The following CD6 variants were observed in gnomAD, a reference collection of about 807,000 sequenced individuals.
CD6 encodes the protein CD6 molecule, also known as T-cell differentiation antigen CD6.
A neutral mutation model predicts 75.3 loss-of-function variants in CD6; 53 were observed. That is an observed-to-expected ratio of 0.70 (90% CI 0.56 to 0.88). The LOEUF (loss-of-function observed/expected upper bound fraction) is 0.88, where lower values mean the gene tolerates loss of function less well. Ranked by LOEUF, CD6 falls within the 40% of genes least tolerant of loss-of-function variation. CD6 has a pLI of 0.00. For synonymous variants in CD6, 359 were observed against 381.5 expected (o/e 0.94, Z 0.69); for missense variants, 770 against 897.1 (o/e 0.86, Z 1.81).
At chr11:60,983,532 T>C (rs940831758) in intron 1 of CD6, among the ~76,000 whole-genome samples, 1 of 152,206 alleles carries the variant, frequency 6.6e-6, no homozygotes, top group Non-Finnish European at 1.5e-5. Flanking sequence ...TATTATTTCC[T>C]CTCAATGTGT....
chr11:61,018,470 T>A, intron 12 of CD6, 77 bp downstream of exon 12: 1 of 883,486 alleles, frequency 1.1e-6, no homozygotes, highest in Non-Finnish European at 1.7e-6. Flanking sequence ...AACTATTGGA[T>A]GCATTCGCTC....
chr11:61,013,129 G>A (rs1258990635), intron 6 of CD6, among the ~76,000 whole-genome samples: 1 of 152,198 alleles, frequency 6.6e-6, no homozygotes, highest in East Asian at 1.9e-4. Context: ...GTTGTCTATT[G>A]AACAAAGACT....
Position 61,007,556 on chromosome 11 carries a change from C to T in CD6, c.119-4C>T. ...GTCTCAGCTCTCTGGTCTGACACTT[C>T]CAGGGGAGCGGCTTCCGGTCCGTCT... On this transcript the variant is annotated splice_polypyrimidine_tract_variant and splice_region_variant and intron_variant, in intron 2 of 12. Coordinates refer to ENST00000313421, the MANE Select transcript of CD6 (RefSeq NM_006725.5). This position sits in a 1 kb window ranked among gnomAD's most constrained non-coding sequence, Gnocchi z 4.2. 6.7e-7 allele frequency: 1 copy of T among 1,487,724 alleles called. No individual in the cohort carries two copies. The highest frequency in any genetic ancestry group is 8.9e-7 in the Non-Finnish European group (1 of 1,118,000). The allele number at this position is 1,487,724 out of a possible 1,614,324, so 92.2% of individuals were successfully genotyped here.
intron 1 of CD6, among the ~76,000 whole-genome samples, chr11:60,980,131 C>G (rs1411473935): frequency 6.6e-6 from 1 of 152,160 alleles, no homozygotes; most frequent in Non-Finnish European, 1.5e-5. Flanking sequence ...TATGTCACCA[C>G]TGGGGGAAGC....
intron 1 of CD6, among the ~76,000 whole-genome samples, chr11:60,991,149 C>CTTTTTTTTTTTTTTT (rs58123378): frequency 3.5e-5 from 4 of 114,714 alleles, no homozygotes; most frequent in East Asian, 2.6e-4. Flanking sequence ...CTTTTTCTTT[C>CTTTTTTTTTTTTTTT]TTTTTTTTTT....
At chr11:61,006,495 C>T (rs572874059) in intron 1 of CD6, 79 bp from the exon 2 acceptor site, 17 of 1,195,600 alleles carry the variant, frequency 1.4e-5, no homozygotes, top group South Asian at 6.5e-5. Flanking sequence ...CCAGGAAGTG[C>T]CCCCTGCTCA....
At chr11:61,015,472 G>A (rs931330917) in intron 8 of CD6, 1 of 474,376 alleles carries the variant, frequency 2.1e-6, no homozygotes, top group Admixed American at 3.4e-5. Context: ...TCGGGAGGCT[G>A]AGGTGGGAGG....
chr11:61,008,922 A>G, intron 4 of CD6, 77 bp downstream of exon 4: 1 of 1,271,426 alleles, frequency 7.9e-7, no homozygotes, highest in South Asian at 1.7e-5. Flanking sequence ...GCCTGGAGTT[A>G]GTGCCGGAGA....
At chr11:60,992,392 C>T (rs1025859099) in intron 1 of CD6, among the ~76,000 whole-genome samples, 6 of 151,338 alleles carry the variant, frequency 4.0e-5, no homozygotes, top group Admixed American at 6.6e-5. Context: ...TGAAGAGATT[C>T]GCCCAGGGTC....
intron 1 of CD6, among the ~76,000 whole-genome samples, chr11:60,986,041 G>A (rs1245020392): frequency 6.6e-6 from 1 of 152,160 alleles, no homozygotes; most frequent in Non-Finnish European, 1.5e-5. Context: ...GAGAAACTGA[G>A]GCCTTGGAAC....
In CD6 at chr11:61,007,423, C is replaced by T; in HGVS notation, c.119-137C>T. The T allele has an allele frequency of 1.6e-6, 1 of 638,090 alleles. No individual in the cohort carries two copies. 39.5% of individuals were successfully genotyped at this position (638,090 alleles called of 1,614,324 possible). The stretch of plus-strand genomic sequence containing the variant: ...GCTCAGGGATGAGCCAGCCCGGCTC[C>T]ATTTTGCAGACTGGAAAGCTGAGAC... On this transcript the variant is annotated intron_variant, in intron 2 of 12. Transcript: ENST00000313421. The surrounding 1 kb of genome is among the most constrained non-coding windows in gnomAD (Gnocchi z 4.2).
intron 9 of CD6, 71 bp from the exon 10 acceptor site, chr11:61,017,408 A>G: frequency 7.9e-7 from 1 of 1,262,798 alleles, no homozygotes; most frequent in Non-Finnish European, 1.1e-6. Flanking sequence ...CGGGAAATCC[A>G]GCCTCTTCTC....
At position 61,011,281 on chromosome 11, in the gene CD6, C is replaced by T. The variant is rs550448976; in HGVS notation, c.1150+146C>T. 188 of 676,058 alleles carry T rather than the reference C, an allele frequency of 2.8e-4. 1 individual carries two copies. The East Asian group carries it at 4.9e-3, about 18-fold the overall frequency. 41.9% of individuals were successfully genotyped at this position (676,058 alleles called of 1,614,324 possible). ...CCTCCAGCCAATGGACTTGCCTCCC[C>T]GGGGCTCTCTGGGTGGCATTTCTGC... On this transcript the variant is annotated intron_variant, in intron 6 of 12. Transcript: ENST00000313421.
intron 1 of CD6, among the ~76,000 whole-genome samples, chr11:61,000,877 C>G (rs775823143): frequency 1.3e-5 from 2 of 152,162 alleles, no homozygotes; most frequent in Non-Finnish European, 2.9e-5. Flanking sequence ...AGGTTCTGTC[C>G]CACTCGGGGA....
rs147511181 is a variant in CD6, at chr11:61,009,643, G to A, written c.853G>A (p.Val285Ile). 1.3e-5 allele frequency: 21 copies of A among 1,613,862 alleles called. No homozygotes were observed. Among genetic ancestry groups the A allele is most frequent in the Non-Finnish European group, 1.6e-5 (19 of 1,180,030 alleles). Residue 285 changes from valine (V) to isoleucine (I), a missense_variant, in exon 5 of 13, where the codon GTC becomes ATC. By Grantham distance (29) the Val-to-Ile change is conservative. Coordinates refer to ENST00000313421, the MANE Select transcript of CD6 (RefSeq NM_006725.5). ...GCAGGTGGAGGTACACTTCCGAGGG[G>A]TCTGGAACACAGTGTGTGACAGTGA... ...EGQVEVHFRG[V>I]WNTVCDSEWY... is the part of the protein sequence containing the mutation.
chr11:60,974,426 T>C (rs1457803693), intron 1 of CD6, among the ~76,000 whole-genome samples: 9 of 152,214 alleles, frequency 5.9e-5, no homozygotes, highest in Non-Finnish European at 1.0e-4. Context: ...TTTGTATTTT[T>C]AGTAGAGACG....
At chr11:60,991,443 C>T (rs956200320) in intron 1 of CD6, among the ~76,000 whole-genome samples, 21 of 152,122 alleles carry the variant, frequency 1.4e-4, no homozygotes, top group Non-Finnish European at 2.4e-4. Flanking sequence ...GTGAGCCCCG[C>T]GTTTGGCCTC....
In CD6 at chr11:61,011,120, C is replaced by T; in HGVS notation, c.1135C>T (p.Gln379Ter). 3.7e-6 allele frequency: 6 copies of T among 1,613,792 alleles called. No individual in the cohort carries two copies. Among genetic ancestry groups the T allele is most frequent in the Non-Finnish European group, 5.1e-6 (6 of 1,179,942 alleles). The change falls in exon 6 of 13, where the codon CAG becomes TAG. Residue 379 changes from glutamine to a stop codon, truncating the protein, a stop_gained. Transcript: ENST00000313421. LOFTEE classifies it high-confidence loss of function. ...CACTCCCGAAGTCCCTGCAAGTGTT[C>T]AGACAGTCACTATAGGTAAGTGTTG... ...LSTPEVPASV[Q>*]TVTIESSVTV...
chr11:60,977,283 C>G (rs1857399664), intron 1 of CD6, among the ~76,000 whole-genome samples: 2 of 152,170 alleles, frequency 1.3e-5, no homozygotes, highest in African/African-American at 4.8e-5. Context: ...CCCCAACTGT[C>G]CTTTAGGACA....
Sources: allele counts gnomAD v4.1 joint callset (sites outside exome capture counted in the v4.1 genomes callset), GRCh38; gene constraint gnomAD v4.1.1; non-coding constraint Gnocchi (gnomAD v3.1); transcripts MANE v1.5; gene names NCBI Gene and HGNC (gene_info 2026-07-23, HGNC 2026-07-21).